PTPRD: variants seen among roughly 807,000 people sequenced by gnomAD.
PTPRD encodes protein tyrosine phosphatase receptor type D, also known as receptor-type tyrosine-protein phosphatase delta.
In PTPRD, 34 loss-of-function variants were observed where a neutral mutation model predicts 214.5. The ratio of observed to expected loss-of-function variants is 0.16; its 90% confidence interval spans 0.12 to 0.21. PTPRD has a LOEUF of 0.21. Ranked by LOEUF, PTPRD falls within the 10% of genes least tolerant of loss-of-function variation. The probability of loss-of-function intolerance (pLI) is 1.00; values close to 1 mark genes in which losing one functional copy is unlikely to be tolerated. For missense variants in PTPRD, 2,545 were observed against 2,398.7 expected, an observed-to-expected ratio of 1.06 and a Z score of -1.27; for synonymous variants, 1,128 against 845.7, an observed-to-expected ratio of 1.33 and a Z score of -5.79.
At chr9:10,031,793 T>C (rs1350832385) in intron 4 of PTPRD, among the ~76,000 whole-genome samples, 1 of 151,444 alleles carries the variant, frequency 6.6e-6, no homozygotes, top group Non-Finnish European at 1.5e-5. Flanking sequence ...ATCAAAGGAA[T>C]GATGTAGACA....
At chr9:9,350,208 T>G (rs1255743375) in intron 9 of PTPRD, among the ~76,000 whole-genome samples, 2 of 152,070 alleles carry the variant, frequency 1.3e-5, no homozygotes, top group Admixed American at 1.3e-4. Context: ...AGCAGTTAAT[T>G]TTTGTCATAT....
chr9:8,457,608 G>A (rs1322598241), intron 33 of PTPRD, among the ~76,000 whole-genome samples: 3 of 151,962 alleles, frequency 2.0e-5, no homozygotes, highest in African/African-American at 7.2e-5. Context: ...TCAGACAGCT[G>A]GGTAAAATAT....
chr9:8,604,944 G>A (rs944511767), intron 14 of PTPRD, among the ~76,000 whole-genome samples: 1 of 152,172 alleles, frequency 6.6e-6, no homozygotes, highest in Non-Finnish European at 1.5e-5. Flanking sequence ...AAGTAAGCAA[G>A]TTATTTTCCA....
intron 7 of PTPRD, among the ~76,000 whole-genome samples, chr9:9,595,302 A>G (rs1249546688): frequency 1.4e-5 from 1 of 71,020 alleles, no homozygotes; most frequent in Non-Finnish European, 4.0e-5. Flanking sequence ...ATATATATAT[A>G]TATATATATT....
At chr9:10,122,164 T>G (rs2098781041) in intron 3 of PTPRD, among the ~76,000 whole-genome samples, 1 of 151,902 alleles carries the variant, frequency 6.6e-6, no homozygotes, top group Admixed American at 6.6e-5. Context: ...AAAAATTAGC[T>G]GGGCATGGTG....
At chr9:9,088,604 AAAAAAG>A (rs1429161937) in intron 10 of PTPRD, among the ~76,000 whole-genome samples, 2 of 149,278 alleles carry the variant, frequency 1.3e-5, no homozygotes, top group African/African-American at 5.0e-5. Context: ...AAAAAAAAAA[AAAAAAG>A]AAGTCTGGCT....
At chr9:8,943,026 AG>A (rs1567151331) in intron 11 of PTPRD, among the ~76,000 whole-genome samples, 2 of 152,172 alleles carry the variant, frequency 1.3e-5, no homozygotes, top group African/African-American at 4.8e-5. Flanking sequence ...AAATCAAGAA[AG>A]TAACCTTATT....
At chr9:9,102,066 T>A (rs1300937251) in intron 10 of PTPRD, among the ~76,000 whole-genome samples, 1 of 152,194 alleles carries the variant, frequency 6.6e-6, no homozygotes, top group Non-Finnish European at 1.5e-5. Context: ...AACCAGTGCT[T>A]CATTGGTAAG....
At chr9:8,635,165 A>T (rs936077776) in intron 13 of PTPRD, among the ~76,000 whole-genome samples, 2 of 150,408 alleles carry the variant, frequency 1.3e-5, no homozygotes, top group Non-Finnish European at 3.0e-5. Context: ...GGGTAAAAAT[A>T]ATTCATTTAC....
At chr9:10,010,249 C>T (rs1379941322) in intron 4 of PTPRD, among the ~76,000 whole-genome samples, 2 of 151,782 alleles carry the variant, frequency 1.3e-5, no homozygotes, top group Admixed American at 6.6e-5. Context: ...GGCAAAGAGA[C>T]TGAGTATAGA....
intron 11 of PTPRD, among the ~76,000 whole-genome samples, chr9:8,834,898 C>T (rs1053518520): frequency 3.9e-5 from 6 of 152,170 alleles, no homozygotes; most frequent in Admixed American, 1.3e-4. Flanking sequence ...AAGAGCTTTA[C>T]GCAGGCAGCT....
intron 3 of PTPRD, among the ~76,000 whole-genome samples, chr9:10,165,137 T>C (rs980429342): frequency 6.6e-6 from 1 of 151,740 alleles, no homozygotes; most frequent in Non-Finnish European, 1.5e-5. Context: ...CTCGATGGAA[T>C]AGCTCACAGT....
intron 14 of PTPRD, among the ~76,000 whole-genome samples, chr9:8,599,439 T>C (rs971926346): frequency 3.3e-5 from 5 of 152,144 alleles, no homozygotes; most frequent in South Asian, 2.1e-4. Context: ...ATGGAACATC[T>C]TGTGTTTGCA....
chr9:9,090,973 T>G, intron 10 of PTPRD: 2 of 1,572,348 alleles, frequency 1.3e-6, no homozygotes, highest in Non-Finnish European at 1.7e-6. Context: ...CTGCACTAAC[T>G]GTGCCCGATG....
intron 11 of PTPRD, among the ~76,000 whole-genome samples, chr9:8,746,136 C>T (rs2092772751): frequency 6.6e-6 from 1 of 151,586 alleles, no homozygotes; most frequent in African/African-American, 2.4e-5. Context: ...TCAGCAAGGA[C>T]ATATGTTGAG....
At chr9:9,822,000 T>C (rs775426898) in intron 5 of PTPRD, among the ~76,000 whole-genome samples, 9 of 151,254 alleles carry the variant, frequency 6.0e-5, no homozygotes, top group Admixed American at 3.3e-4. Flanking sequence ...TGAAGTCTTA[T>C]TCAGCTCTGT....
chr9:9,345,984 T>G (rs1237792413), intron 9 of PTPRD, among the ~76,000 whole-genome samples: 1 of 152,142 alleles, frequency 6.6e-6, no homozygotes, highest in Non-Finnish European at 1.5e-5. Flanking sequence ...GTGGAACTCT[T>G]TTTAGAAGAT....
At chr9:10,420,080 A>G (rs1448253573) in intron 2 of PTPRD, among the ~76,000 whole-genome samples, 1 of 151,814 alleles carries the variant, frequency 6.6e-6, no homozygotes, top group African/African-American at 2.4e-5. Context: ...TGATGATAAA[A>G]TAATGACAAT....
chr9:8,527,308 A>G, intron 16 of PTPRD, 37 bp downstream of exon 16: 1 of 1,591,984 alleles, frequency 6.3e-7, no homozygotes. Flanking sequence ...TATGGAAATT[A>G]GTGGGGTTGA....
Sources: gnomAD v4.1 joint callset for allele counts (sites outside exome capture counted in the v4.1 genomes callset) on GRCh38, gnomAD v4.1.1 for gene constraint, MANE v1.5 for transcripts, NCBI Gene and HGNC (gene_info 2026-07-23, HGNC 2026-07-21) for gene names.